Variants in ZNF462 observed in about 807,000 individuals in gnomAD.
The protein encoded by ZNF462 is zinc finger protein 462.
In ZNF462, 10 loss-of-function variants were observed where a neutral mutation model predicts 201.9. That is an observed-to-expected ratio of 0.05 (90% CI 0.03 to 0.08). ZNF462 has a LOEUF of 0.08. Ranked by LOEUF, ZNF462 falls within the 10% of genes least tolerant of loss-of-function variation. The pLI is 1.00. For synonymous variants in ZNF462, 1,227 were observed against 1,193.3 expected, an observed-to-expected ratio of 1.03 and a Z score of -0.58; for missense variants, 2,523 against 3,168.3, an observed-to-expected ratio of 0.80 and a Z score of 4.89.
intron 1 of ZNF462, among the ~76,000 whole-genome samples, chr9:106,869,109 G>A (rs1163499547): frequency 6.6e-6 from 1 of 152,118 alleles, no homozygotes; most frequent in Non-Finnish European, 1.5e-5. Flanking sequence ...TGAGTCTATT[G>A]CAACTTACAA....
chr9:106,991,105 G>A (rs2132403187), intron 10 of ZNF462, among the ~76,000 whole-genome samples: 1 of 152,050 alleles, frequency 6.6e-6, no homozygotes, highest in Middle Eastern at 3.4e-3. Flanking sequence ...GAATTGGAAA[G>A]GAAGAAACAC....
chr9:107,010,793 C>T lies in ZNF462; in HGVS notation c.7314-30C>T, dbSNP rs770193474. On this transcript the variant is annotated intron_variant, in intron 12 of 12. Coordinates refer to ENST00000277225, the MANE Select transcript of ZNF462 (RefSeq NM_021224.6). The surrounding 1 kb of genome is among the most constrained non-coding windows in gnomAD (Gnocchi z 4.6). ...AAAAGAGAAATATATATACTATACT[C>T]ATCTGTCTCTTCGATAAATGTTTTT... 7 of 1,580,606 alleles carry T rather than the reference C, an allele frequency of 4.4e-6. No individual in the cohort carries two copies. In the South Asian group the frequency reaches 5.7e-5, roughly 13 times the overall value.
rs1396778718 is a variant in ZNF462, at chr9:106,883,427, C to G, written c.-31+20072C>G. On this transcript the variant is annotated intron_variant, in intron 1 of 12. Transcript: ENST00000277225. The surrounding 1 kb of genome is among the most constrained non-coding windows in gnomAD (Gnocchi z 4.9). Reference sequence around the variant, plus strand: ...GCGGATGGAAAATGAAAAGACTTTTCTCCTCATGATCCTGTTTGGTAATTC... The same window carrying G: ...GCGGATGGAAAATGAAAAGACTTTTGTCCTCATGATCCTGTTTGGTAATTC... Among the ~76,000 whole-genome samples the G allele has an allele frequency of 1.3e-5, 2 of 152,194 alleles. No homozygotes were observed. The highest frequency in any genetic ancestry group is 6.5e-5 in the Admixed American group (1 of 15,288).
intron 1 of ZNF462, among the ~76,000 whole-genome samples, chr9:106,877,685 G>GT (rs1387063049): frequency 6.6e-6 from 1 of 152,066 alleles, no homozygotes; most frequent in East Asian, 1.9e-4. Context: ...CAGCCAGAAT[G>GT]TTACTATTTT....
rs544402079 is a variant in ZNF462, at chr9:107,012,155, G to A, written c.*1125G>A. On this transcript the variant is annotated 3_prime_UTR_variant, in exon 13 of 13. Coordinates refer to ENST00000277225, the MANE Select transcript of ZNF462 (RefSeq NM_021224.6). ...AATTTAACTAAAGAACCAAACTTTC[G>A]GCACAGCTATGCAGCTTGTGGGCCA... 7.3e-6 allele frequency: 1 copy of A among 137,792 alleles called. No individual in the cohort carries two copies. The highest frequency in any genetic ancestry group is 7.9e-5 in the Admixed American group (1 of 12,710). The allele number at this position is 137,792 out of a possible 1,614,324, so 8.5% of individuals were successfully genotyped here. A position where few individuals can be genotyped will look rare whatever the true frequency, so the allele number is the denominator to read the frequency against.
In ZNF462 at chr9:106,876,998, A is replaced by G. The variant is rs981066759; in HGVS notation, c.-31+13643A>G. 2.0e-5 allele frequency among the ~76,000 whole-genome samples: 3 copies of G among 152,160 alleles called. No homozygotes were observed. Among genetic ancestry groups the G allele is most frequent in the Non-Finnish European group, 4.4e-5 (3 of 68,034 alleles). On this transcript the variant is annotated intron_variant, in intron 1 of 12. Transcript: ENST00000277225. This position sits in a 1 kb window ranked among gnomAD's most constrained non-coding sequence, Gnocchi z 4.9. ...CAATAGTCCACATCTACTTGGTCTT[A>G]CTAATGTACTATAATATCAGATGCT...
Position 106,865,243 on chromosome 9 carries a change from G to T in ZNF462, c.-31+1888G>T, listed in dbSNP as rs1396525517. On this transcript the variant is annotated intron_variant, in intron 1 of 12. Transcript: ENST00000277225. The surrounding 1 kb of genome is among the most constrained non-coding windows in gnomAD (Gnocchi z 4.1). ...CTTTTGAGTGGACCTGAAGGGTTTT[G>T]ACCTCCTTCAGGAAAGGCAAGGCAA... Among the ~76,000 whole-genome samples, 1 of 151,908 alleles carries T rather than the reference G, an allele frequency of 6.6e-6. No homozygotes were observed. The highest frequency in any genetic ancestry group is 1.5e-5 in the Non-Finnish European group (1 of 67,978).
rs376759946 is a variant in ZNF462, at chr9:106,899,982, C to T, written c.-30-23372C>T. Among the ~76,000 whole-genome samples, 6 of 151,966 alleles carry T rather than the reference C, an allele frequency of 3.9e-5. No homozygotes were observed. In the South Asian group the frequency reaches 6.3e-4, roughly 16 times the overall value. ...CTGCACCATATTTGTAGTCTTTTATCTCTTGCCCCCCTCCCACTCTTCCCC... is the reference window on the plus strand; with the variant it reads ...CTGCACCATATTTGTAGTCTTTTATTTCTTGCCCCCCTCCCACTCTTCCCC... On this transcript the variant is annotated intron_variant, in intron 1 of 12. Transcript: ENST00000277225.
rs1830180647 is a variant in ZNF462, at chr9:106,926,056, A to T, written c.2144A>T (p.Asp715Val). The T allele has an allele frequency of 6.2e-7, 1 of 1,614,138 alleles. No individual in the cohort carries two copies. Among genetic ancestry groups the T allele is most frequent in the South Asian group, 1.1e-5 (1 of 91,092 alleles). Residue 715 changes from aspartate (D) to valine (V), a missense_variant, in exon 3 of 13, where the codon GAT becomes GTT. Asp to Val is a radical substitution (Grantham distance 152, BLOSUM62 -3). Coordinates refer to ENST00000277225, the MANE Select transcript of ZNF462 (RefSeq NM_021224.6). This position sits in a 1 kb window ranked among gnomAD's most constrained non-coding sequence, Gnocchi z 7.9. ...SKINQTKQQE[D>V]AVINVEDDEE... ...ATTAACCAAACCAAACAGCAGGAAG[A>T]TGCAGTGATCAATGTTGAGGATGAT...
chr9:106,925,842 G>A lies in ZNF462; in HGVS notation c.1930G>A (p.Glu644Lys), dbSNP rs1830172408. 1 of 1,614,044 alleles carries A rather than the reference G, an allele frequency of 6.2e-7. No individual in the cohort carries two copies. Among genetic ancestry groups the A allele is most frequent in the African/African-American group, 1.3e-5 (1 of 74,928 alleles). ...GCCCTCAAGCCTACCATTGGAAAAT[G>A]AGACAGACAGCCACCCCTCTTCCAG... The part of the protein sequence containing the change: ...GQPSSLPLEN[E>K]TDSHPSSSNT... Residue 644 changes from glutamate to lysine, a missense_variant, in exon 3 of 13, where the codon GAG becomes AAG. Glu to Lys is a moderately conservative substitution (Grantham distance 56, BLOSUM62 1). Coordinates refer to ENST00000277225, the MANE Select transcript of ZNF462 (RefSeq NM_021224.6). This position sits in a 1 kb window ranked among gnomAD's most constrained non-coding sequence, Gnocchi z 7.9.
chr9:106,997,757 G>C (rs1216204586), intron 10 of ZNF462, among the ~76,000 whole-genome samples: 1 of 152,082 alleles, frequency 6.6e-6, no homozygotes, highest in Non-Finnish European at 1.5e-5. Flanking sequence ...TAGACCACTT[G>C]GTACGTTAGG....
intron 1 of ZNF462, among the ~76,000 whole-genome samples, chr9:106,878,757 T>G (rs1173951631): frequency 6.6e-6 from 1 of 152,214 alleles, no homozygotes; most frequent in Non-Finnish European, 1.5e-5. Flanking sequence ...TTCTACGTCT[T>G]TGTGTGTATA....
chr9:106,953,095 C>T (rs779549462), intron 7 of ZNF462, among the ~76,000 whole-genome samples: 3 of 152,182 alleles, frequency 2.0e-5, no homozygotes, highest in African/African-American at 7.2e-5. Context: ...TGACCTTCTG[C>T]GATCTTATCT....
chr9:106,894,842 T>G lies in ZNF462; in HGVS notation c.-30-28512T>G, dbSNP rs1404516175. Among the ~76,000 whole-genome samples the G allele has an allele frequency of 2.6e-5, 4 of 152,224 alleles. No individual in the cohort carries two copies. In the East Asian group the frequency reaches 7.7e-4, roughly 29 times the overall value. ...TAGTAAGTTTTATATTGATAAATAT[T>G]GTAAGTTTTCTATTGATAAATATAA... On this transcript the variant is annotated intron_variant, in intron 1 of 12. Transcript: ENST00000277225.
Position 107,003,879 on chromosome 9 carries a change from C to G in ZNF462, c.7189+453C>G, listed in dbSNP as rs1027048785. 1.3e-5 allele frequency among the ~76,000 whole-genome samples: 2 copies of G among 152,046 alleles called. No homozygotes were observed. Among genetic ancestry groups the G allele is most frequent in the Non-Finnish European group, 2.9e-5 (2 of 67,998 alleles). On this transcript the variant is annotated intron_variant, in intron 11 of 12. Coordinates refer to ENST00000277225, the MANE Select transcript of ZNF462 (RefSeq NM_021224.6). The surrounding 1 kb of genome is among the most constrained non-coding windows in gnomAD (Gnocchi z 4.4). ...TGCAAAGAACTTGAGCCCCTACCCC[C>G]TGATGTCCCTCTGCGTGGCCCTTTT...
Position 106,927,676 on chromosome 9 carries a change from T to C in ZNF462, c.3764T>C (p.Leu1255Pro). Residue 1255 changes from leucine to proline, a missense_variant, in exon 3 of 13, where the codon CTG (leucine) becomes CCG (proline). Physicochemically the swap from Leu to Pro is moderately conservative, Grantham distance 98. Coordinates refer to ENST00000277225, the MANE Select transcript of ZNF462 (RefSeq NM_021224.6). ...TGCGTGCTTGTCTCCCCCTCTAATC[T>C]GGAGCGGGACAAAACGAAACTCCGA... ...ASCVLVSPSNLERDKTKLRAL... is the reference protein window; with the variant it reads ...ASCVLVSPSNPERDKTKLRAL... The C allele has an allele frequency of 1.2e-6, 2 of 1,614,008 alleles. No homozygotes were observed. The highest frequency in any genetic ancestry group is 2.2e-5 in the South Asian group (2 of 91,068).
chr9:106,987,999 C>G (rs1385071378), intron 10 of ZNF462, among the ~76,000 whole-genome samples: 1 of 152,148 alleles, frequency 6.6e-6, no homozygotes, highest in South Asian at 2.1e-4. Flanking sequence ...TCTGGGTTCT[C>G]TATTCTGTTC....
chr9:106,914,832 G>A (rs896592448), intron 1 of ZNF462, among the ~76,000 whole-genome samples: 1 of 152,148 alleles, frequency 6.6e-6, no homozygotes, highest in Admixed American at 6.5e-5. Flanking sequence ...TGTAGATTTT[G>A]TAAGGGTTGG....
At chr9:106,875,310 A>G (rs909491921) in intron 1 of ZNF462, among the ~76,000 whole-genome samples, 2 of 152,234 alleles carry the variant, frequency 1.3e-5, no homozygotes, top group African/African-American at 4.8e-5. Context: ...GGGGTCAAGT[A>G]TAACTGCAAA....
Sources: allele counts gnomAD v4.1 joint callset (sites outside exome capture counted in the v4.1 genomes callset), GRCh38; gene constraint gnomAD v4.1.1; non-coding constraint Gnocchi (gnomAD v3.1); transcripts MANE v1.5; gene names NCBI Gene and HGNC (gene_info 2026-07-23, HGNC 2026-07-21).